The following DSCAM variants were observed in gnomAD, a reference collection of about 807,000 sequenced individuals.
DSCAM encodes cell adhesion molecule DSCAM.
Under a neutral mutation model 217.7 loss-of-function variants are expected in DSCAM, and 47 were observed. That is an observed-to-expected ratio of 0.22 (90% CI 0.17 to 0.28). DSCAM has a LOEUF of 0.28. Ranked by LOEUF, DSCAM falls within the 10% of genes least tolerant of loss-of-function variation. The pLI is 1.00. For synonymous variants in DSCAM, 1,056 were observed against 1,015.3 expected (o/e 1.04, Z -0.76); for missense variants, 2,080 against 2,618.3 (o/e 0.79, Z 4.49).
At chr21:40,085,901 TA>T in intron 22 of DSCAM, 136 bp from the exon 23 acceptor site, 10 of 708,480 alleles carry the variant, frequency 1.4e-5, no homozygotes, top group Non-Finnish European at 2.1e-5. Flanking sequence ...ATGAAAGAAC[TA>T]AATATGATTA....
chr21:40,353,407 A>G, intron 5 of DSCAM, 58 bp downstream of exon 5: 1 of 1,578,642 alleles, frequency 6.3e-7, no homozygotes, highest in Non-Finnish European at 8.5e-7. Context: ...ATTTGCTTAT[A>G]ACAGGAGCTC....
At chr21:40,596,088 C>T (rs2077019524) in intron 3 of DSCAM, among the ~76,000 whole-genome samples, 1 of 152,180 alleles carries the variant, frequency 6.6e-6, no homozygotes. Context: ...GTTTGCTGAG[C>T]CCATGCTCTG....
chr21:40,197,411 C>A (rs1349904681), intron 11 of DSCAM, among the ~76,000 whole-genome samples: 1 of 152,288 alleles, frequency 6.6e-6, no homozygotes, highest in Admixed American at 6.5e-5. Context: ...AGCCACCGCG[C>A]CCAGCCTCTC....
intron 1 of DSCAM, among the ~76,000 whole-genome samples, chr21:40,830,093 C>T (rs920865430): frequency 2.6e-5 from 4 of 152,252 alleles, no homozygotes; most frequent in Non-Finnish European, 4.4e-5. Context: ...ATACCAGAGA[C>T]TGGGTAATTT....
At chr21:40,546,459 G>T (rs946940073) in intron 3 of DSCAM, among the ~76,000 whole-genome samples, 4 of 152,294 alleles carry the variant, frequency 2.6e-5, no homozygotes, top group African/African-American at 7.2e-5. Flanking sequence ...CCTGCCTTTT[G>T]ACCTTAGGCA....
At chr21:40,475,893 T>A (rs754305899) in intron 3 of DSCAM, among the ~76,000 whole-genome samples, 4 of 152,110 alleles carry the variant, frequency 2.6e-5, no homozygotes, top group Non-Finnish European at 4.4e-5. Context: ...ATTTGAGTAG[T>A]TTCAAGTTTC....
chr21:40,039,215 T>A (rs534277137), intron 32 of DSCAM, among the ~76,000 whole-genome samples: 25 of 151,008 alleles, frequency 1.7e-4, no homozygotes, highest in African/African-American at 5.6e-4. Flanking sequence ...AAAACTAAAG[T>A]CTAACAGGGG....
intron 3 of DSCAM, among the ~76,000 whole-genome samples, chr21:40,397,508 G>A (rs2075190522): frequency 6.6e-6 from 1 of 152,122 alleles, no homozygotes; most frequent in African/African-American, 2.4e-5. Flanking sequence ...CCAATGCCAT[G>A]CTTCCCGTAC....
At chr21:40,152,564 A>C (rs1217883914) in intron 16 of DSCAM, among the ~76,000 whole-genome samples, 1 of 151,368 alleles carries the variant, frequency 6.6e-6, no homozygotes, top group African/African-American at 2.4e-5. Flanking sequence ...TCATCCTCCC[A>C]GATGCCCTTT....
intron 1 of DSCAM, among the ~76,000 whole-genome samples, chr21:40,780,415 G>GTATATATATATA (rs1392958197): frequency 6.8e-5 from 3 of 44,182 alleles, no homozygotes; most frequent in East Asian, 4.7e-4. Flanking sequence ...GTGTGTGTGT[G>GTATATATATATA]TGTGTGTGTA....
intron 3 of DSCAM, among the ~76,000 whole-genome samples, chr21:40,453,960 C>G (rs1220200941): frequency 1.3e-5 from 2 of 152,180 alleles, no homozygotes; most frequent in Non-Finnish European, 2.9e-5. Flanking sequence ...TGAAACTATT[C>G]TACTCTCCAA....
intron 11 of DSCAM, among the ~76,000 whole-genome samples, chr21:40,268,437 T>C (rs578242817): frequency 9.9e-5 from 15 of 152,174 alleles, no homozygotes; most frequent in East Asian, 3.9e-4. Flanking sequence ...TAATGGCTGA[T>C]TGAGGGTTCA....
At chr21:40,317,606 T>C (rs1357747087) in intron 8 of DSCAM, among the ~76,000 whole-genome samples, 1 of 152,188 alleles carries the variant, frequency 6.6e-6, no homozygotes, top group African/African-American at 2.4e-5. Context: ...CTCGCCTCAC[T>C]GCAACCTCCA....
rs759961978 is a variant in DSCAM at position 40,042,513 on chromosome 21, C to A, written c.5544G>T (p.Thr1848=). 4 of 1,614,200 alleles carry A rather than the reference C, an allele frequency of 2.5e-6. No homozygotes were observed. The highest frequency in any genetic ancestry group is 1.6e-4 in the Middle Eastern group (1 of 6,062). The part of the protein sequence containing the change: ...FISDTSSEQL[T]AGTNEYTDSL... ...TGTCCGTGTACTCATTTGTCCCTGCCGTCAACTGCTCCGATGACGTGTCTG... is the reference window on the plus strand; with the variant it reads ...TGTCCGTGTACTCATTTGTCCCTGCAGTCAACTGCTCCGATGACGTGTCTG... Residue 1848 remains threonine (T), a synonymous_variant, in exon 32 of 33, where the codon ACG becomes ACT. Coordinates refer to ENST00000400454, the MANE Select transcript of DSCAM (RefSeq NM_001389.5).
intron 11 of DSCAM, among the ~76,000 whole-genome samples, chr21:40,219,370 A>C (rs909945987): frequency 1.3e-5 from 2 of 152,156 alleles, no homozygotes. Context: ...AAATGCAGCT[A>C]TATTATACGA....
chr21:40,331,530 G>C (rs958725001), intron 8 of DSCAM, among the ~76,000 whole-genome samples: 2 of 152,142 alleles, frequency 1.3e-5, no homozygotes, highest in African/African-American at 4.8e-5. Flanking sequence ...AGGACAAAAA[G>C]CTGCAGGGAA....
At chr21:40,496,465 C>T (rs780494839) in intron 3 of DSCAM, among the ~76,000 whole-genome samples, 7 of 152,068 alleles carry the variant, frequency 4.6e-5, no homozygotes, top group Non-Finnish European at 1.0e-4. Flanking sequence ...AAAACAATAT[C>T]CACATGCAGA....
intron 3 of DSCAM, among the ~76,000 whole-genome samples, chr21:40,390,944 C>T (rs1317168707): frequency 6.6e-6 from 1 of 152,182 alleles, no homozygotes; most frequent in Non-Finnish European, 1.5e-5. Context: ...GCAGCTCATT[C>T]CTTGCCTACC....
chr21:40,132,341 G>A (rs1463251040), intron 19 of DSCAM, among the ~76,000 whole-genome samples: 2 of 152,152 alleles, frequency 1.3e-5, no homozygotes, highest in Non-Finnish European at 2.9e-5. Context: ...CGGGCAGCAG[G>A]TGACAGAGCC....
Sources: gnomAD v4.1 joint callset for allele counts (sites outside exome capture counted in the v4.1 genomes callset) on GRCh38, gnomAD v4.1.1 for gene constraint, MANE v1.5 for transcripts, NCBI Gene and HGNC (gene_info 2026-07-23, HGNC 2026-07-21) for gene names.